PTPN14: variants seen among roughly 807,000 people sequenced by gnomAD.
PTPN14 encodes tyrosine-protein phosphatase non-receptor type 14.
Under a neutral mutation model 126.8 loss-of-function variants are expected in PTPN14, and 53 were observed. The ratio of observed to expected loss-of-function variants is 0.42; its 90% confidence interval spans 0.34 to 0.53. The LOEUF is 0.53. PTPN14 is among the 20% of genes least tolerant of loss of function. The probability of loss-of-function intolerance (pLI) is 0.08; values close to 1 mark genes in which losing one functional copy is unlikely to be tolerated. For missense variants in PTPN14, 1,257 were observed against 1,552.9 expected, an observed-to-expected ratio of 0.81 and a Z score of 3.20; for synonymous variants, 630 against 599.3, an observed-to-expected ratio of 1.05 and a Z score of -0.75.
At chr1:214,531,579 T>C (rs535385746) in intron 1 of PTPN14, 1 of 150,618 alleles carries the variant, frequency 6.6e-6, no homozygotes, top group Admixed American at 6.6e-5. Flanking sequence ...CTGAATTAAG[T>C]GGCCTGAAGA....
chr1:214,525,141 G>A, intron 1 of PTPN14, among the ~76,000 whole-genome samples: 1 of 152,190 alleles, frequency 6.6e-6, no homozygotes, highest in Non-Finnish European at 1.5e-5. Context: ...TCTCTGCGAA[G>A]ATTCAGAAGT....
At chr1:214,450,499 AAG>A (rs761028081) in intron 3 of PTPN14, among the ~76,000 whole-genome samples, 91 of 152,110 alleles carry the variant, frequency 6.0e-4, no homozygotes, top group Non-Finnish European at 1.2e-3. Context: ...GAAAAAGAAA[AAG>A]AAAAAGCAAG....
chr1:214,509,306 G>C (rs1485653939), intron 1 of PTPN14, among the ~76,000 whole-genome samples: 1 of 152,222 alleles, frequency 6.6e-6, no homozygotes, highest in Non-Finnish European at 1.5e-5. Flanking sequence ...ATCAGCACTT[G>C]CTGCTTAAAC....
chr1:214,465,068 A>C, intron 1 of PTPN14, 111 bp from the exon 2 acceptor site: 4 of 382,356 alleles, frequency 1.0e-5, no homozygotes, highest in East Asian at 4.5e-5. Context: ...CAAACAGATC[A>C]ACACTCAGGT....
intron 3 of PTPN14, among the ~76,000 whole-genome samples, chr1:214,443,005 T>C (rs1231070169): frequency 6.6e-6 from 1 of 152,100 alleles, no homozygotes; most frequent in Non-Finnish European, 1.5e-5. Flanking sequence ...GTACTTTTAG[T>C]AGAGACAGGG....
intron 1 of PTPN14, chr1:214,529,729 TA>T (rs1453641285): frequency 6.6e-6 from 1 of 151,858 alleles, no homozygotes; most frequent in East Asian, 1.9e-4. Flanking sequence ...ACTAAGAATA[TA>T]AAAATTAGCC....
intron 10 of PTPN14, among the ~76,000 whole-genome samples, chr1:214,392,293 G>T (rs1658774427): frequency 6.6e-6 from 1 of 152,106 alleles, no homozygotes; most frequent in South Asian, 2.1e-4. Flanking sequence ...TTAGGAAGAA[G>T]AAAGGAATGG....
At chr1:214,422,063 G>A (rs1248145026) in intron 3 of PTPN14, among the ~76,000 whole-genome samples, 1 of 152,094 alleles carries the variant, frequency 6.6e-6, no homozygotes. Flanking sequence ...GAGAGACAAA[G>A]ACAGAAGAAA....
intron 16 of PTPN14, 121 bp downstream of exon 16, chr1:214,372,590 T>C: frequency 1.5e-6 from 2 of 1,366,592 alleles, no homozygotes; most frequent in African/African-American, 1.4e-5. Context: ...GAGAAAAGCA[T>C]GTGCAGAGAA....
intron 3 of PTPN14, among the ~76,000 whole-genome samples, chr1:214,448,358 G>C (rs1660192934): frequency 6.6e-6 from 1 of 151,482 alleles, no homozygotes; most frequent in Non-Finnish European, 1.5e-5. Flanking sequence ...AGACTCCCGC[G>C]TAGCTGGGAC....
At chr1:214,367,541 A>G (rs1039018268) in intron 17 of PTPN14, among the ~76,000 whole-genome samples, 7 of 152,238 alleles carry the variant, frequency 4.6e-5, no homozygotes, top group African/African-American at 1.4e-4. Context: ...ATACCAAAAT[A>G]AAATCAAGGT....
intron 5 of PTPN14, among the ~76,000 whole-genome samples, chr1:214,410,020 G>A (rs1441993680): frequency 6.6e-6 from 1 of 152,100 alleles, no homozygotes; most frequent in African/African-American, 2.4e-5. Context: ...TTGTTGAGTA[G>A]TTTGAGTTCC....
chr1:214,385,931 T>G (rs1304973436), intron 12 of PTPN14, among the ~76,000 whole-genome samples: 2 of 152,204 alleles, frequency 1.3e-5, no homozygotes, highest in Non-Finnish European at 2.9e-5. Context: ...TAAATAGTCT[T>G]GATTGTCTTG....
chr1:214,457,943 G>C (rs529477498), intron 2 of PTPN14, among the ~76,000 whole-genome samples: 1 of 152,016 alleles, frequency 6.6e-6, no homozygotes, highest in African/African-American at 2.4e-5. Flanking sequence ...CTAGCTGTTC[G>C]AGGAACTGAA....
intron 3 of PTPN14, among the ~76,000 whole-genome samples, chr1:214,426,032 C>CAAAAAAAAAAAAAAAAAAAAAAAA (rs66656875): frequency 3.0e-5 from 1 of 33,852 alleles, no homozygotes; most frequent in Non-Finnish European, 5.0e-5. Flanking sequence ...GCATAAATCG[C>CAAAAAAAAAAAAAAAAAAAAAAAA]AAAAAAAAAA....
chr1:214,401,775 A>G lies in PTPN14; in HGVS notation c.582-3T>C. 6.4e-7 allele frequency: 1 copy of G among 1,562,192 alleles called. No homozygotes were observed. Among genetic ancestry groups the G allele is most frequent in the East Asian group, 2.2e-5 (1 of 44,606 alleles). On this transcript the variant is annotated splice_polypyrimidine_tract_variant and splice_region_variant and intron_variant, in intron 6 of 18. Coordinates refer to ENST00000366956, the MANE Select transcript of PTPN14 (RefSeq NM_005401.5). ...CAGCTTCTGCTGGCAGGATTCCACT[A>G]AAATCAAAATAGCATCAAAGGAAGA...
chr1:214,397,919 A>G lies in PTPN14; in HGVS notation c.752T>C (p.Ile251Thr). ...VRNRIGRQAV[I>T]YRWNDMGNIT... ...AACAAACAAATAAGACTACCTGTAT[A>G]TTACCGCTTGTCTTCCAATTCTGTT... is the stretch of plus-strand genomic sequence containing the variant. The change falls in exon 8 of 19, where the codon ATA becomes ACA. Residue 251 changes from isoleucine to threonine, a missense_variant. Physicochemically the swap from Ile to Thr is moderately conservative, Grantham distance 89. Coordinates refer to ENST00000366956, the MANE Select transcript of PTPN14 (RefSeq NM_005401.5). The G allele has an allele frequency of 1.2e-6, 2 of 1,600,754 alleles. No homozygotes were observed. The highest frequency in any genetic ancestry group is 1.7e-6 in the Non-Finnish European group (2 of 1,167,774).
chr1:214,487,513 T>C (rs1388139604), intron 1 of PTPN14, among the ~76,000 whole-genome samples: 3 of 151,924 alleles, frequency 2.0e-5, no homozygotes, highest in Admixed American at 2.0e-4. Flanking sequence ...GTAATCCCAG[T>C]TGCTCAGGAG....
At chr1:214,464,181 G>GTT (rs10585995) in intron 2 of PTPN14, among the ~76,000 whole-genome samples, 20 of 136,406 alleles carry the variant, frequency 1.5e-4, no homozygotes, top group African/African-American at 5.4e-4. Context: ...ATTCGGTGGG[G>GTT]TTTTTTTTTT....
Sources: allele counts gnomAD v4.1 joint callset (sites outside exome capture counted in the v4.1 genomes callset), GRCh38; gene constraint gnomAD v4.1.1; transcripts MANE v1.5; gene names NCBI Gene and HGNC (gene_info 2026-07-23, HGNC 2026-07-21).